SLIT3: variants seen among roughly 807,000 people sequenced by gnomAD.
SLIT3 encodes the protein slit homolog 3 protein.
A neutral mutation model predicts 184.0 loss-of-function variants in SLIT3; 68 were observed. That is an observed-to-expected ratio of 0.37 (90% CI 0.30 to 0.45). The LOEUF (loss-of-function observed/expected upper bound fraction) is 0.45, where lower values mean the gene tolerates loss of function less well. SLIT3 is among the 20% of genes least tolerant of loss of function. The pLI is 1.00. For synonymous variants in SLIT3, 831 were observed against 828.6 expected, an observed-to-expected ratio of 1.00 and a Z score of -0.05; for missense variants, 1,707 against 2,026.0, an observed-to-expected ratio of 0.84 and a Z score of 3.02.
Position 168,666,352 on chromosome 5 carries a change from C to G in SLIT3, c.*102G>C. On this transcript the variant is annotated 3_prime_UTR_variant, in exon 36 of 36. Transcript: ENST00000519560. The stretch of plus-strand genomic sequence containing the variant: ...ATTCTCTTCTTCTTTACCTTCCTCT[C>G]CAGCTTCATTTCCTTCATGCTGAAT... 2 of 1,152,466 alleles carry G rather than the reference C, an allele frequency of 1.7e-6. No homozygotes were observed. The highest frequency in any genetic ancestry group is 1.9e-5 in the South Asian group (1 of 51,832). The allele number at this position is 1,152,466 out of a possible 1,614,324, so 71.4% of individuals were successfully genotyped here.
chr5:169,112,167 A>G (rs113881780), intron 4 of SLIT3, among the ~76,000 whole-genome samples: 2 of 152,188 alleles, frequency 1.3e-5, no homozygotes, highest in African/African-American at 2.4e-5. Context: ...TGAAGGCTCA[A>G]TGGGGGCAGG....
chr5:168,803,857 G>C (rs1756856174), intron 9 of SLIT3, among the ~76,000 whole-genome samples: 1 of 152,160 alleles, frequency 6.6e-6, no homozygotes, highest in Non-Finnish European at 1.5e-5. Flanking sequence ...ATCCACTGTG[G>C]GAGGGCCAGA....
chr5:169,168,862 G>C (rs533132885), intron 4 of SLIT3, among the ~76,000 whole-genome samples: 30 of 90,278 alleles, frequency 3.3e-4, no homozygotes, highest in Non-Finnish European at 4.7e-4. Context: ...TTATGGAGAA[G>C]TTCCTTGATT....
chr5:169,049,636 G>A (rs988062809), intron 4 of SLIT3, among the ~76,000 whole-genome samples: 1 of 152,126 alleles, frequency 6.6e-6, no homozygotes, highest in Non-Finnish European at 1.5e-5. Context: ...CCAGCCTAGG[G>A]CCCTAGACTC....
At position 168,692,671 on chromosome 5, in the gene SLIT3, A is replaced by G; in HGVS notation, c.3112T>C (p.Cys1038Arg). ...GELCDEVIDH[C>R]VPELNLCQHE... ...TGACAGAGGTTCAGCTCAGGCACACAGTGGTCAATCACCTCGTCGCATAGC... is the reference window on the plus strand; with the variant it reads ...TGACAGAGGTTCAGCTCAGGCACACGGTGGTCAATCACCTCGTCGCATAGC... Residue 1038 changes from cysteine (C) to arginine (R), a missense_variant, in exon 29 of 36, where the codon TGT becomes CGT. Coordinates refer to ENST00000519560, the MANE Select transcript of SLIT3 (RefSeq NM_003062.4). 6.2e-7 allele frequency: 1 copy of G among 1,614,096 alleles called. No individual in the cohort carries two copies. Among genetic ancestry groups the G allele is most frequent in the Admixed American group, 1.7e-5 (1 of 60,012 alleles).
At chr5:168,738,869 C>T (rs996363959) in intron 20 of SLIT3, among the ~76,000 whole-genome samples, 1 of 127,192 alleles carries the variant, frequency 7.9e-6, no homozygotes, top group Non-Finnish European at 1.6e-5. Context: ...ACCCAGGAGG[C>T]GGGGCTTGCA....
intron 6 of SLIT3, among the ~76,000 whole-genome samples, chr5:168,830,452 A>C (rs1205399987): frequency 6.6e-6 from 1 of 152,214 alleles, no homozygotes; most frequent in Non-Finnish European, 1.5e-5. Context: ...AGAAAACCTA[A>C]GCAGAATAGT....
chr5:169,081,046 TC>T (rs1482917774), intron 4 of SLIT3, among the ~76,000 whole-genome samples: 1 of 152,024 alleles, frequency 6.6e-6, no homozygotes, highest in Non-Finnish European at 1.5e-5. Flanking sequence ...TCCCCAGGGC[TC>T]CCCGCTCCAG....
intron 4 of SLIT3, among the ~76,000 whole-genome samples, chr5:169,118,444 G>T (rs1760769272): frequency 6.6e-6 from 1 of 152,172 alleles, no homozygotes; most frequent in Admixed American, 6.5e-5. Flanking sequence ...GTCTTTGAGG[G>T]TTCTTGGACT....
intron 4 of SLIT3, among the ~76,000 whole-genome samples, chr5:169,102,093 G>A (rs1216788932): frequency 4.6e-5 from 7 of 152,130 alleles, no homozygotes; most frequent in Non-Finnish European, 1.0e-4. Context: ...TATTCACTCC[G>A]TGAATGAATC....
intron 10 of SLIT3, chr5:168,792,005 T>C (rs1451894913): frequency 6.6e-6 from 1 of 152,232 alleles, no homozygotes; most frequent in African/African-American, 2.4e-5. Flanking sequence ...GCAAACTGCG[T>C]CTTAATTCTT....
chr5:169,240,732 T>C (rs1297336380), intron 3 of SLIT3, among the ~76,000 whole-genome samples: 1 of 151,758 alleles, frequency 6.6e-6, no homozygotes, highest in Admixed American at 6.6e-5. Flanking sequence ...TAAGGTAATA[T>C]GATATATTCA....
intron 4 of SLIT3, among the ~76,000 whole-genome samples, chr5:169,027,966 C>G (rs1756889327): frequency 6.6e-6 from 1 of 152,148 alleles, no homozygotes; most frequent in Non-Finnish European, 1.5e-5. Flanking sequence ...CATTAAGGAA[C>G]TGCCCTTTAT....
chr5:168,681,088 G>A (rs1761575657), intron 32 of SLIT3, among the ~76,000 whole-genome samples: 1 of 152,226 alleles, frequency 6.6e-6, no homozygotes, highest in Non-Finnish European at 1.5e-5. Flanking sequence ...GGTGGAGGTT[G>A]CAGGGAGCTG....
At chr5:169,256,320 A>T (rs1042092873) in intron 1 of SLIT3, among the ~76,000 whole-genome samples, 11 of 152,172 alleles carry the variant, frequency 7.2e-5, no homozygotes, top group Non-Finnish European at 1.6e-4. Context: ...ATATATCTAG[A>T]TACACAAATA....
At chr5:168,771,048 G>A (rs1755534301) in intron 14 of SLIT3, among the ~76,000 whole-genome samples, 1 of 152,154 alleles carries the variant, frequency 6.6e-6, no homozygotes, top group African/African-American at 2.4e-5. Context: ...GGATACTTAT[G>A]AGACCAAAGG....
chr5:169,005,712 C>G (rs1755894977), intron 4 of SLIT3, among the ~76,000 whole-genome samples: 1 of 152,170 alleles, frequency 6.6e-6, no homozygotes, highest in South Asian at 2.1e-4. Context: ...TTACTATGTT[C>G]CAGACACTTT....
chr5:168,869,755 T>C (rs1264908308), intron 5 of SLIT3, among the ~76,000 whole-genome samples: 1 of 152,232 alleles, frequency 6.6e-6, no homozygotes, highest in African/African-American at 2.4e-5. Flanking sequence ...ATGTGCTGTA[T>C]GTACCAAACC....
chr5:169,068,746 C>G (rs564404826), intron 4 of SLIT3, among the ~76,000 whole-genome samples: 1 of 152,018 alleles, frequency 6.6e-6, no homozygotes, highest in Non-Finnish European at 1.5e-5. Context: ...TAAGCACACA[C>G]AACACAACCC....
Sources: gnomAD v4.1 joint callset for allele counts (sites outside exome capture counted in the v4.1 genomes callset) on GRCh38, gnomAD v4.1.1 for gene constraint, MANE v1.5 for transcripts, NCBI Gene and HGNC (gene_info 2026-07-23, HGNC 2026-07-21) for gene names.